The following FCAR variants were observed in gnomAD, a reference collection of about 807,000 sequenced individuals.
FCAR encodes the protein immunoglobulin alpha Fc receptor.
FCAR carries 21 observed loss-of-function variants against 27.1 expected under a neutral mutation model. That is an observed-to-expected ratio of 0.77 (90% CI 0.55 to 1.11). The LOEUF is 1.11. FCAR is among the 50% of genes most tolerant of loss of function. FCAR has a pLI of 0.00. For synonymous variants in FCAR, 134 were observed against 135.8 expected, an observed-to-expected ratio of 0.99 and a Z score of 0.09; for missense variants, 404 against 358.4, an observed-to-expected ratio of 1.13 and a Z score of -1.03.
rs188103617 is a variant in FCAR at position 54,889,641 on chromosome 19, G to A, written c.650-8G>A. On this transcript the variant is annotated splice_polypyrimidine_tract_variant and splice_region_variant and intron_variant, in intron 4 of 4. Transcript: ENST00000355524. Reference sequence around the variant, plus strand: ...CCAACCATTCATCTCCTTGAATTGTGTCTCCAGACTCCATCCACCAAGATT... The same window carrying A: ...CCAACCATTCATCTCCTTGAATTGTATCTCCAGACTCCATCCACCAAGATT... 3,686 of 1,609,592 alleles carry A rather than the reference G, an allele frequency of 2.3e-3. 9 individuals carry two copies. The highest frequency in any genetic ancestry group is 2.7e-3 in the Non-Finnish European group (3,188 of 1,176,050).
At position 54,885,535 on chromosome 19, in the gene FCAR, C is replaced by T; in HGVS notation, c.361+10C>T. Reference sequence around the variant, plus strand: ...GAGCTGGTAGTGACAGGTAAGGAAACATCCAGGGTCCACAGCCCTGGTGTG... The same window carrying T: ...GAGCTGGTAGTGACAGGTAAGGAAATATCCAGGGTCCACAGCCCTGGTGTG... On this transcript the variant is annotated intron_variant, in intron 3 of 4. Coordinates refer to ENST00000355524, the MANE Select transcript of FCAR (RefSeq NM_002000.4). 1 of 1,594,876 alleles carries T rather than the reference C, an allele frequency of 6.3e-7. No individual in the cohort carries two copies. The highest frequency in any genetic ancestry group is 1.1e-5 in the South Asian group (1 of 90,732).
intron 3 of FCAR, among the ~76,000 whole-genome samples, chr19:54,887,593 C>T (rs1385070803): frequency 2.0e-5 from 3 of 151,126 alleles, no homozygotes; most frequent in African/African-American, 2.4e-5. Flanking sequence ...TGCACTGCAG[C>T]CTCAGTGACA....
rs1305452496 is a variant in FCAR at position 54,890,431 on chromosome 19, T to C, written c.*568T>C. 6.6e-6 allele frequency: 1 copy of C among 151,832 alleles called. No individual in the cohort carries two copies. Among genetic ancestry groups the C allele is most frequent in the Non-Finnish European group, 1.5e-5 (1 of 67,978 alleles). 9.4% of individuals were successfully genotyped at this position (151,832 alleles called of 1,614,324 possible). A position where few individuals can be genotyped will look rare whatever the true frequency, so the allele number is the denominator to read the frequency against. ...TTTTTATTTATTTTATTTATTTTTA[T>C]TTTTATTTTTATTTGAGACAGAGTC... On this transcript the variant is annotated 3_prime_UTR_variant, in exon 5 of 5. Coordinates refer to ENST00000355524, the MANE Select transcript of FCAR (RefSeq NM_002000.4).
rs2066033718 is a variant in FCAR at position 54,875,339 on chromosome 19, T to C, written c.44T>C (p.Leu15Pro). The change falls in exon 2 of 5, where the codon CTG becomes CCG. Residue 15 changes from leucine (L) to proline (P), a missense_variant. Leu to Pro is a moderately conservative substitution (Grantham distance 98). Transcript: ENST00000355524. ...QTTLLCLVLCLGQRIQAQEGD... is the reference protein window; with the variant it reads ...QTTLLCLVLCPGQRIQAQEGD... ...AATCTCTCTCTTCCAGTGCTCTGTC[T>C]GGGCCAGAGGATTCAGGCACAGGAA... 6.2e-7 allele frequency: 1 copy of C among 1,613,932 alleles called. No individual in the cohort carries two copies. The highest frequency in any genetic ancestry group is 8.5e-7 in the Non-Finnish European group (1 of 1,179,886).
intron 2 of FCAR, among the ~76,000 whole-genome samples, chr19:54,878,866 G>T (rs1198115094): frequency 3.2e-5 from 4 of 126,194 alleles, no homozygotes; most frequent in Non-Finnish European, 4.8e-5. Flanking sequence ...GCATAATGTT[G>T]AGTCTTGCTT....
chr19:54,877,092 A>C (rs2066141178), intron 2 of FCAR, among the ~76,000 whole-genome samples: 1 of 152,204 alleles, frequency 6.6e-6, no homozygotes. Context: ...ATGTTTTTGC[A>C]TCAAGATGAT....
intron 2 of FCAR, among the ~76,000 whole-genome samples, chr19:54,882,301 T>A (rs587753569): frequency 1.1e-4 from 16 of 152,342 alleles, no homozygotes; most frequent in Non-Finnish European, 2.1e-4. Flanking sequence ...TTCTCCTCAA[T>A]TTCGAAGAGC....
intron 2 of FCAR, 151 bp from the exon 3 acceptor site, chr19:54,885,084 G>C: frequency 1.5e-6 from 1 of 651,438 alleles, no homozygotes; most frequent in Non-Finnish European, 2.6e-6. Flanking sequence ...GGGAATACAG[G>C]CGTGAGCTAC....
chr19:54,885,544 T>C lies in FCAR; in HGVS notation c.361+19T>C. 6.4e-7 allele frequency: 1 copy of C among 1,569,922 alleles called. No homozygotes were observed. The highest frequency in any genetic ancestry group is 1.1e-5 in the South Asian group (1 of 90,138). ...GTGACAGGTAAGGAAACATCCAGGG[T>C]CCACAGCCCTGGTGTGATTTTTTTC... On this transcript the variant is annotated intron_variant, in intron 3 of 4. Transcript: ENST00000355524.
chr19:54,875,476 G>A, intron 2 of FCAR, 111 bp downstream of exon 2: 1 of 901,756 alleles, frequency 1.1e-6, no homozygotes, highest in South Asian at 1.4e-5. Context: ...CCCCATTCTA[G>A]TTGTTTCTGC....
Position 54,874,266 on chromosome 19 carries a change from C to T in FCAR, c.-24C>T, listed in dbSNP as rs571488110. 22 of 1,613,720 alleles carry T rather than the reference C, an allele frequency of 1.4e-5. No individual in the cohort carries two copies. In the East Asian group the frequency reaches 1.8e-4, roughly 13 times the overall value. On this transcript the variant is annotated 5_prime_UTR_variant, in exon 1 of 5. It adds an upstream start codon to the 5' untranslated region. Coordinates refer to ENST00000355524, the MANE Select transcript of FCAR (RefSeq NM_002000.4). ...CTAATGTGCATTGAAAGGAGAGCAA[C>T]GGGGCTGAGGCCGTGTCAGCACGAT...
In FCAR at chr19:54,890,815, T is replaced by G. The variant is rs1417950930; in HGVS notation, c.*952T>G. On this transcript the variant is annotated 3_prime_UTR_variant, in exon 5 of 5. Coordinates refer to ENST00000355524, the MANE Select transcript of FCAR (RefSeq NM_002000.4). ...TATTCAATAACCCCCCTCCTTTATT[T>G]TTTTTTGTTGAAGTGAGGCTCTCCC... 6.6e-6 allele frequency: 1 copy of G among 152,144 alleles called. No homozygotes were observed. 9.4% of individuals were successfully genotyped at this position (152,144 alleles called of 1,614,324 possible).
chr19:54,882,578 A>G (rs2066486274), intron 2 of FCAR, among the ~76,000 whole-genome samples: 1 of 151,910 alleles, frequency 6.6e-6, no homozygotes, highest in Non-Finnish European at 1.5e-5. Context: ...AGCTGGGATT[A>G]CAGGTGTGTG....
At position 54,885,881 on chromosome 19, in the gene FCAR, G is replaced by C. The variant is rs926268761; in HGVS notation, c.361+356G>C. Among the ~76,000 whole-genome samples the C allele has an allele frequency of 4.3e-4, 65 of 152,362 alleles. 1 individual carries two copies. Among genetic ancestry groups the C allele is most frequent in the African/African-American group, 1.5e-3 (61 of 41,588 alleles). ...AATCCCAACACTTAGGGAAGCCGAG[G>C]CGGGTGGATCACCCAAGGTCAGGAG... is the stretch of plus-strand genomic sequence containing the variant. On this transcript the variant is annotated intron_variant, in intron 3 of 4. Transcript: ENST00000355524.
rs1277550410 is a variant in FCAR at position 54,890,905 on chromosome 19, G to A, written c.*1042G>A. 1 of 152,044 alleles carries A rather than the reference G, an allele frequency of 6.6e-6. No individual in the cohort carries two copies. Among genetic ancestry groups the A allele is most frequent in the Admixed American group, 6.6e-5 (1 of 15,256 alleles). 9.4% of individuals were successfully genotyped at this position (152,044 alleles called of 1,614,324 possible). ...AATCCTCCTACCTCAGCCTCCTGCT[G>A]TGTTCATCTACAAATTGATAAGAGT... On this transcript the variant is annotated 3_prime_UTR_variant, in exon 5 of 5. Transcript: ENST00000355524.
intron 2 of FCAR, among the ~76,000 whole-genome samples, chr19:54,883,005 C>T (rs1002574482): frequency 3.3e-5 from 5 of 151,556 alleles, no homozygotes; most frequent in South Asian, 2.1e-4. Flanking sequence ...AGTTTTGTTT[C>T]GTTTTTTGTT....
chr19:54,881,882 A>G lies in FCAR; in HGVS notation c.71-3353A>G, dbSNP rs2066438560. 1.7e-3 allele frequency among the ~76,000 whole-genome samples: 8 copies of G among 4,798 alleles called. No homozygotes were observed. The South Asian group carries it at 0.056, about 34-fold the overall frequency. 3.1% of individuals were successfully genotyped at this position (4,798 alleles called of 152,430 possible). On this transcript the variant is annotated intron_variant, in intron 2 of 4. Coordinates refer to ENST00000355524, the MANE Select transcript of FCAR (RefSeq NM_002000.4). ...GGCGACAGAGCGAGACTCCGTCTCAAATAAATAAATAAATAAATAAATAAA... is the reference window on the plus strand; with the variant it reads ...GGCGACAGAGCGAGACTCCGTCTCAGATAAATAAATAAATAAATAAATAAA...
At chr19:54,884,484 T>C (rs968454834) in intron 2 of FCAR, among the ~76,000 whole-genome samples, 1 of 151,788 alleles carries the variant, frequency 6.6e-6, no homozygotes, top group African/African-American at 2.4e-5. Context: ...ATACAAAAAT[T>C]ATCCAGGCAT....
intron 3 of FCAR, among the ~76,000 whole-genome samples, chr19:54,887,652 C>T (rs2066815632): frequency 2.6e-5 from 4 of 151,096 alleles, no homozygotes; most frequent in African/African-American, 7.3e-5. Context: ...CACAGTTGCT[C>T]ATGCCTGTAA....
Sources: allele counts gnomAD v4.1 joint callset (sites outside exome capture counted in the v4.1 genomes callset), GRCh38; gene constraint gnomAD v4.1.1; transcripts MANE v1.5; gene names NCBI Gene and HGNC (gene_info 2026-07-23, HGNC 2026-07-21).